PHF24: variants seen among roughly 807,000 people sequenced by gnomAD.
The protein encoded by PHF24 is PHD finger protein 24, also known as Galpha inhibitory interacting protein.
In PHF24, 25 loss-of-function variants were observed where a neutral mutation model predicts 42.6. The observed-to-expected ratio is 0.59, with a 90% CI of 0.43 to 0.82. The LOEUF (loss-of-function observed/expected upper bound fraction) is 0.82, where lower values mean the gene tolerates loss of function less well. PHF24 is among the 40% of genes least tolerant of loss of function. PHF24 has a pLI of 0.00. For synonymous variants in PHF24, 185 were observed against 204.8 expected, an observed-to-expected ratio of 0.90 and a Z score of 0.83; for missense variants, 470 against 538.1, an observed-to-expected ratio of 0.87 and a Z score of 1.25.
the PHF24 span, among the ~76,000 whole-genome samples, chr9:34,800,226 A>G: frequency 6.6e-6 from 1 of 152,230 alleles, no homozygotes; most frequent in Non-Finnish European, 1.5e-5. Context: ...GAGTTTATCA[A>G]CACAAGATGG....
chr9:34,889,021 T>TATCA, the PHF24 span: 99 of 398,428 alleles, frequency 2.5e-4, no homozygotes, highest in Non-Finnish European at 3.6e-4. Flanking sequence ...TCTCTCTGTC[T>TATCA]ATCATATACC....
At chr9:34,763,237 A>G in the PHF24 span, among the ~76,000 whole-genome samples, 1 of 152,202 alleles carries the variant, frequency 6.6e-6, no homozygotes. Flanking sequence ...CTGTGAAGAA[A>G]GTCATTGGTA....
chr9:34,947,754 G>A, the PHF24 span, among the ~76,000 whole-genome samples: 6 of 152,214 alleles, frequency 3.9e-5, no homozygotes, highest in East Asian at 9.6e-4. Flanking sequence ...GCTAATGCGT[G>A]CGTGTTCGTG....
chr9:34,711,831 C>CTGCGCCCAGCCTGCTATGTTGTTA, the PHF24 span, among the ~76,000 whole-genome samples: 1 of 152,194 alleles, frequency 6.6e-6, no homozygotes, highest in Admixed American at 6.5e-5. Context: ...ACATGAGCCA[C>CTGCGCCCAGCCTGCTATGTTGTTA]TGCGCCCAGC....
At chr9:34,897,624 T>C in the PHF24 span, among the ~76,000 whole-genome samples, 1 of 152,150 alleles carries the variant, frequency 6.6e-6, no homozygotes, top group Non-Finnish European at 1.5e-5. Context: ...TAAGGAAAAA[T>C]ATTCTAAAAA....
chr9:34,701,404 T>TCCGCGCCCGTGAGCGTGC, the PHF24 span, among the ~76,000 whole-genome samples: 6 of 152,100 alleles, frequency 3.9e-5, no homozygotes, highest in South Asian at 2.1e-4. The surrounding 1 kb of genome is among the most constrained non-coding windows in gnomAD (Gnocchi z 5.8). Flanking sequence ...CGGATGTGTG[T>TCCGCGCCCGTGAGCGTGC]CCGCGCCCGT....
chr9:34,936,094 T>C, the PHF24 span, among the ~76,000 whole-genome samples: 1 of 149,984 alleles, frequency 6.7e-6, no homozygotes, highest in African/African-American at 2.5e-5. Flanking sequence ...CTCCCTCTCT[T>C]TCCACGGTCT....
the PHF24 span, among the ~76,000 whole-genome samples, chr9:34,750,792 A>T: frequency 2.0e-5 from 3 of 152,118 alleles, no homozygotes; most frequent in Non-Finnish European, 4.4e-5. Context: ...GGAAAAAAGG[A>T]AGACAATACC....
chr9:34,750,830 A>T, the PHF24 span, among the ~76,000 whole-genome samples: 2 of 152,170 alleles, frequency 1.3e-5, no homozygotes, highest in East Asian at 1.9e-4. Flanking sequence ...CAAATTTTTT[A>T]AAAATGACAG....
the PHF24 span, among the ~76,000 whole-genome samples, chr9:34,862,879 A>G: frequency 6.6e-6 from 1 of 151,950 alleles, no homozygotes; most frequent in African/African-American, 2.4e-5. Context: ...CTTAGATGGC[A>G]TTTCTGGACC....
At chr9:34,714,819 A>G in the PHF24 span, among the ~76,000 whole-genome samples, 3 of 152,136 alleles carry the variant, frequency 2.0e-5, no homozygotes, top group Admixed American at 1.3e-4. Flanking sequence ...TTCTTTCCTA[A>G]AAGCTTAGGC....
At chr9:34,792,183 T>C in the PHF24 span, among the ~76,000 whole-genome samples, 1 of 152,178 alleles carries the variant, frequency 6.6e-6, no homozygotes, top group Non-Finnish European at 1.5e-5. Context: ...TGCTTCCCTG[T>C]GTGAAACATC....
chr9:34,791,251 C>T, the PHF24 span, among the ~76,000 whole-genome samples: 1 of 152,114 alleles, frequency 6.6e-6, no homozygotes, highest in Non-Finnish European at 1.5e-5. Context: ...GACAAGCTGA[C>T]AGAATTCACT....
At chr9:34,935,476 C>T in the PHF24 span, among the ~76,000 whole-genome samples, 1 of 151,886 alleles carries the variant, frequency 6.6e-6, no homozygotes, top group African/African-American at 2.4e-5. Context: ...TGCCTGTAGT[C>T]CCAGCTATTT....
At chr9:34,786,357 A>G in the PHF24 span, among the ~76,000 whole-genome samples, 3 of 152,200 alleles carry the variant, frequency 2.0e-5, no homozygotes, top group Non-Finnish European at 4.4e-5. Flanking sequence ...AGAAGAGCTA[A>G]GGAAGCTTCA....
chr9:34,755,733 A>C, the PHF24 span, among the ~76,000 whole-genome samples: 1 of 151,948 alleles, frequency 6.6e-6, no homozygotes, highest in Non-Finnish European at 1.5e-5. Context: ...CTAACCTTGA[A>C]CTCCTGGACT....
chr9:34,848,147 A>G, the PHF24 span, among the ~76,000 whole-genome samples: 11 of 151,094 alleles, frequency 7.3e-5, no homozygotes, highest in East Asian at 3.9e-4. Context: ...CTCTTTTTCT[A>G]TTGATTGGAA....
the PHF24 span, among the ~76,000 whole-genome samples, chr9:34,752,654 G>C: frequency 6.6e-6 from 1 of 152,172 alleles, no homozygotes; most frequent in Non-Finnish European, 1.5e-5. Flanking sequence ...CTGAAAAATA[G>C]AGGAGGAGGG....
At chr9:34,850,808 CTTCT>C in the PHF24 span, among the ~76,000 whole-genome samples, 1 of 152,192 alleles carries the variant, frequency 6.6e-6, no homozygotes, top group Non-Finnish European at 1.5e-5. Flanking sequence ...TGTTAGTTTC[CTTCT>C]AACAGACAGT....
Sources: gnomAD v4.1 joint callset for allele counts (sites outside exome capture counted in the v4.1 genomes callset) on GRCh38, gnomAD v4.1.1 for gene constraint, Gnocchi (gnomAD v3.1) non-coding constraint, MANE v1.5 for transcripts, NCBI Gene and HGNC (gene_info 2026-07-23, HGNC 2026-07-21) for gene names.